Variants in COL21A1 observed in about 807,000 individuals in gnomAD.
COL21A1 encodes the protein collagen alpha-1(XXI) chain.
In COL21A1, 149 loss-of-function variants were observed where a neutral mutation model predicts 137.9. The ratio of observed to expected loss-of-function variants is 1.08; its 90% CI spans 0.95 to 1.24. The LOEUF is 1.24. COL21A1 is among the 50% of genes most tolerant of loss of function. The probability of loss-of-function intolerance (pLI) is 0.00; values close to 1 mark genes in which losing one functional copy is unlikely to be tolerated. For synonymous variants in COL21A1, 456 were observed against 391.5 expected (o/e 1.16, Z -1.95); for missense variants, 1,167 against 1,158.4 (o/e 1.01, Z -0.11).
intron 10 of COL21A1, among the ~76,000 whole-genome samples, chr6:56,154,391 C>T (rs1417585331): frequency 6.6e-6 from 1 of 152,214 alleles, no homozygotes; most frequent in Non-Finnish European, 1.5e-5. Flanking sequence ...TATAAAACTT[C>T]TGTCTCCCCC....
chr6:56,199,957 C>T (rs1779272535), intron 1 of COL21A1, among the ~76,000 whole-genome samples: 1 of 152,074 alleles, frequency 6.6e-6, no homozygotes, highest in Non-Finnish European at 1.5e-5. Flanking sequence ...ATAATGAAAA[C>T]AGTAATGTAT....
At chr6:56,089,074 C>G (rs937626429) in intron 17 of COL21A1, among the ~76,000 whole-genome samples, 3 of 152,168 alleles carry the variant, frequency 2.0e-5, no homozygotes, top group African/African-American at 7.2e-5. Flanking sequence ...CAGGCTTGAA[C>G]CACCACACTC....
At chr6:56,208,395 A>G (rs1321786531) in intron 1 of COL21A1, among the ~76,000 whole-genome samples, 1 of 152,204 alleles carries the variant, frequency 6.6e-6, no homozygotes, top group Non-Finnish European at 1.5e-5. Context: ...ACAAACAGAG[A>G]GCCAAATCAT....
rs766298636 is a variant in COL21A1, at chr6:56,179,877, G to T, written c.341C>A (p.Thr114Lys). 6.2e-6 allele frequency: 10 copies of T among 1,613,818 alleles called. No homozygotes were observed. Among genetic ancestry groups the T allele is most frequent in the Non-Finnish European group, 8.5e-6 (10 of 1,179,884 alleles). Reference protein sequence around the residue: ...VESILYLGGNTKTGKAIQFAL... With the variant: ...VESILYLGGNKKTGKAIQFAL... ...AAACTGGATGGCCTTCCCTGTCTTT[G>T]TGTTTCCTCCTAAGTAGAGTATGGA... is the stretch of plus-strand genomic sequence containing the variant. Residue 114 changes from threonine (T) to lysine (K), a missense_variant, in exon 3 of 30, where the codon ACA (threonine) becomes AAA (lysine). Thr to Lys is a moderately conservative substitution (Grantham distance 78). Coordinates refer to ENST00000244728, the MANE Select transcript of COL21A1 (RefSeq NM_030820.4).
intron 1 of COL21A1, among the ~76,000 whole-genome samples, chr6:56,341,542 A>G (rs945019361): frequency 1.3e-5 from 2 of 152,186 alleles, no homozygotes; most frequent in Non-Finnish European, 2.9e-5. Context: ...ACAACTATGG[A>G]GACAGTAAAA....
At chr6:56,390,275 A>G (rs1249332777) in intron 1 of COL21A1, among the ~76,000 whole-genome samples, 1 of 152,178 alleles carries the variant, frequency 6.6e-6, no homozygotes, top group East Asian at 1.9e-4. Flanking sequence ...AGTTTAAAAT[A>G]TTGGTTATAA....
chr6:56,319,545 C>G (rs1764818528), intron 1 of COL21A1, among the ~76,000 whole-genome samples: 1 of 152,130 alleles, frequency 6.6e-6, no homozygotes. Context: ...ACCATGTTGT[C>G]CAGGCTGGTC....
At chr6:56,097,864 A>AATATAC (rs1447497704) in intron 17 of COL21A1, among the ~76,000 whole-genome samples, 1 of 29,930 alleles carries the variant, frequency 3.3e-5, no homozygotes, top group South Asian at 9.9e-4. Context: ...TAAATATATA[A>AATATAC]AAATATCTAT....
At chr6:56,329,869 C>T (rs972897956) in intron 1 of COL21A1, among the ~76,000 whole-genome samples, 2 of 152,094 alleles carry the variant, frequency 1.3e-5, no homozygotes, top group African/African-American at 4.8e-5. Flanking sequence ...ATGACAGACA[C>T]ATACAGAATG....
At chr6:56,168,332 A>T in intron 5 of COL21A1, 35 bp from the exon 6 acceptor site, 1 of 1,455,750 alleles carries the variant, frequency 6.9e-7, no homozygotes. Flanking sequence ...TCATAAATAA[A>T]GCCCCTAACA....
intron 17 of COL21A1, among the ~76,000 whole-genome samples, chr6:56,083,995 A>G (rs1370360591): frequency 6.6e-6 from 1 of 152,008 alleles, no homozygotes; most frequent in Non-Finnish European, 1.5e-5. Context: ...TTAAAAATTT[A>G]TCATGCAATA....
At chr6:56,100,304 A>G (rs1770339334) in intron 17 of COL21A1, among the ~76,000 whole-genome samples, 1 of 152,190 alleles carries the variant, frequency 6.6e-6, no homozygotes, top group Non-Finnish European at 1.5e-5. Context: ...AATTTTTTCA[A>G]GCACCTCAAT....
chr6:56,168,205 C>G lies in COL21A1; in HGVS notation c.1119G>C (p.Lys373Asn). The G allele has an allele frequency of 6.4e-7, 1 of 1,566,958 alleles. No individual in the cohort carries two copies. The highest frequency in any genetic ancestry group is 8.7e-7 in the Non-Finnish European group (1 of 1,153,472). The change falls in exon 6 of 30, where the codon AAG becomes AAC. Residue 373 changes from lysine to asparagine, a missense_variant. Transcript: ENST00000244728. ...LYIDDQQIEN[K>N]PLHPVLGILI... ...AGATCCCTAAAACTGGATGTAAGGG[C>G]TTGTTTTCAATTTGTTGGTCATCAA...
chr6:56,128,807 A>T (rs1166372400), intron 12 of COL21A1, among the ~76,000 whole-genome samples: 1 of 152,100 alleles, frequency 6.6e-6, no homozygotes, highest in Admixed American at 6.6e-5. Flanking sequence ...GGTACCCACC[A>T]CCATGCCTGG....
chr6:56,170,768 T>G lies in COL21A1; in HGVS notation c.907A>C (p.Ile303Leu). The change falls in exon 5 of 30, where the codon ATT (isoleucine) becomes CTT (leucine). Residue 303 changes from isoleucine to leucine, a missense_variant. Transcript: ENST00000244728. ...KIWDLWRILT[I>L]DGRPQIAVTL... ...ACTGCTATTTGTGGCCTTCCATCAA[T>G]AGTTAATATTCTCCATAAATCCCAA... is the stretch of plus-strand genomic sequence containing the variant. The G allele has an allele frequency of 1.9e-6, 3 of 1,608,168 alleles. No individual in the cohort carries two copies. Among genetic ancestry groups the G allele is most frequent in the Non-Finnish European group, 2.6e-6 (3 of 1,176,166 alleles).
chr6:56,099,131 A>G (rs1331137091), intron 17 of COL21A1, among the ~76,000 whole-genome samples: 2 of 151,866 alleles, frequency 1.3e-5, no homozygotes, highest in African/African-American at 4.8e-5. Context: ...CTTGCCGGTC[A>G]GTCTGCCCTT....
At chr6:56,276,699 T>A in intron 1 of COL21A1, 1 of 1,437,522 alleles carries the variant, frequency 7.0e-7, no homozygotes, top group South Asian at 1.1e-5. Flanking sequence ...TAGTTTAAGA[T>A]GGCCTGGGTG....
chr6:56,172,983 G>A (rs1446082010), intron 3 of COL21A1, among the ~76,000 whole-genome samples: 1 of 151,904 alleles, frequency 6.6e-6, no homozygotes. Flanking sequence ...GAAAAAAAGA[G>A]GGACAAAAAG....
At chr6:56,207,171 A>G (rs940208508) in intron 1 of COL21A1, among the ~76,000 whole-genome samples, 1 of 152,122 alleles carries the variant, frequency 6.6e-6, no homozygotes, top group Non-Finnish European at 1.5e-5. Flanking sequence ...CTAGCAGAAG[A>G]TAAGAAATAA....
Sources: allele counts gnomAD v4.1 joint callset (sites outside exome capture counted in the v4.1 genomes callset), GRCh38; gene constraint gnomAD v4.1.1; transcripts MANE v1.5; gene names NCBI Gene and HGNC (gene_info 2026-07-23, HGNC 2026-07-21).